The following GP5 variants were observed in gnomAD, a reference collection of about 807,000 sequenced individuals.
The protein encoded by GP5 is glycoprotein V platelet, also known as platelet glycoprotein V.
For synonymous variants in GP5, 382 were observed against 353.9 expected, an observed-to-expected ratio of 1.08 and a Z score of -0.89; for missense variants, 755 against 737.1, an observed-to-expected ratio of 1.02 and a Z score of -0.28.
Position 194,396,861 on chromosome 3 carries a change from G to GCCCGGGCACTCCGCGTCACC in GP5, c.1402_1421dup (p.Pro475ValfsTer43). ...CGGGGCGGGGAGGCGGGCCCCGGGGGCCCGGGCACTCCGCGTCACCCCCCG... is the reference window on the plus strand; with the variant it reads ...CGGGGCGGGGAGGCGGGCCCCGGGGGCCCGGGCACTCCGCGTCACCCCCGGGCACTCCGCGTCACCCCCCG... On this transcript the variant is annotated frameshift_variant, in exon 2 of 2. Transcript: ENST00000692618. LOFTEE classifies it low-confidence loss of function (END_TRUNC). 6.5e-7 allele frequency: 1 copy of GCCCGGGCACTCCGCGTCACC among 1,548,172 alleles called. No homozygotes were observed. Among genetic ancestry groups the GCCCGGGCACTCCGCGTCACC allele is most frequent in the Non-Finnish European group, 8.7e-7 (1 of 1,153,774 alleles).
rs1191393110 is a variant in GP5, at chr3:194,396,857, G to C, written c.1426C>G (p.Arg476Gly). Residue 476 changes from arginine to glycine, a missense_variant, in exon 2 of 2, where the codon CGG becomes GGG. Physicochemically the swap from Arg to Gly is moderately radical, Grantham distance 125. Coordinates refer to ENST00000692618, the MANE Select transcript of GP5 (RefSeq NM_004488.2). ...PGGDAECPGP[R>G]GPPPRPAADS... ...GCAGCGGGGCGGGGAGGCGGGCCCC[G>C]GGGGCCCGGGCACTCCGCGTCACCC... The C allele has an allele frequency of 1.3e-6, 2 of 1,543,938 alleles. No homozygotes were observed. Among genetic ancestry groups the C allele is most frequent in the East Asian group, 2.3e-5 (1 of 42,812 alleles).
intron 1 of GP5, among the ~76,000 whole-genome samples, chr3:194,398,581 C>A (rs1363209804): frequency 6.6e-6 from 1 of 152,180 alleles, no homozygotes; most frequent in Non-Finnish European, 1.5e-5. Context: ...TTAAAATAAT[C>A]ATTCTCACAT....
Position 194,397,013 on chromosome 3 carries a change from G to A in GP5, c.1270C>T (p.Arg424Cys), listed in dbSNP as rs781585201. 2 of 1,596,782 alleles carry A rather than the reference G, an allele frequency of 1.3e-6. No individual in the cohort carries two copies. The highest frequency in any genetic ancestry group is 1.7e-6 in the Non-Finnish European group (2 of 1,178,208). Residue 424 changes from arginine to cysteine, a missense_variant, in exon 2 of 2, where the codon CGC becomes TGC. Transcript: ENST00000692618. The surrounding 1 kb of genome is among the most constrained non-coding windows in gnomAD (Gnocchi z 7.2). ...AAGGGCCCCAGGCCACAGTCGCAGCGCCAGGAGTTGTGCCCCAACAGGACC... is the reference window on the plus strand; with the variant it reads ...AAGGGCCCCAGGCCACAGTCGCAGCACCAGGAGTTGTGCCCCAACAGGACC... ...TEVLLGHNSWRCDCGLGPFLG... is the reference protein window; with the variant it reads ...TEVLLGHNSWCCDCGLGPFLG...
In GP5 at chr3:194,397,413, C is replaced by T. The variant is rs771813293; in HGVS notation, c.870G>A (p.Gly290=). The part of the protein sequence containing the change: ...ELPGVLFGEM[G]GLQELWLNRT... ...GGTTCAGCCACAGCTCCTGCAGGCC[C>T]CCCATCTCCCCGAAGAGCACCCCCG... The change falls in exon 2 of 2, where the codon GGG becomes GGA. Residue 290 remains glycine (G), a synonymous_variant. Coordinates refer to ENST00000692618, the MANE Select transcript of GP5 (RefSeq NM_004488.2). This position sits in a 1 kb window ranked among gnomAD's most constrained non-coding sequence, Gnocchi z 7.2. The T allele has an allele frequency of 1.2e-6, 2 of 1,612,572 alleles. No individual in the cohort carries two copies. The highest frequency in any genetic ancestry group is 1.7e-6 in the Non-Finnish European group (2 of 1,179,742).
chr3:194,396,621 G>A lies in GP5; in HGVS notation c.1662C>T (p.Ile554=), dbSNP rs1446953289. Residue 554 remains isoleucine, a synonymous_variant, in exon 2 of 2, where the codon ATC becomes ATT. Transcript: ENST00000692618. The stretch of plus-strand genomic sequence containing the variant: ...TGGTTTACCCAAGGGCTCTCTCTCT[G>A]ATTAATTTTCGAAAGAGTTGGCCAA... ...IKIGQLFRKL[I]RERALG is the part of the protein sequence containing the mutation. 4 of 1,611,342 alleles carry A rather than the reference G, an allele frequency of 2.5e-6. No homozygotes were observed. Among genetic ancestry groups the A allele is most frequent in the Non-Finnish European group, 2.5e-6 (3 of 1,178,178 alleles).
chr3:194,398,666 A>T (rs1203978917), intron 1 of GP5, among the ~76,000 whole-genome samples: 1 of 152,208 alleles, frequency 6.6e-6, no homozygotes, highest in Non-Finnish European at 1.5e-5. Flanking sequence ...CTTACCCTGC[A>T]TTGGCTATAA....
chr3:194,397,529 T>G lies in GP5; in HGVS notation c.754A>C (p.Asn252His). ...GCAGAGGGGAGAAACGCAAGGTGGT[T>G]TCTCGAAAGCGTCAAAGAACTGAGG... The part of the protein sequence containing the change: ...PNLSSLTLSR[N>H]HLAFLPSALF... Residue 252 changes from asparagine to histidine, a missense_variant, in exon 2 of 2, where the codon AAC becomes CAC. By Grantham distance (68) the Asn-to-His change is moderately conservative (BLOSUM62 1). Coordinates refer to ENST00000692618, the MANE Select transcript of GP5 (RefSeq NM_004488.2). The surrounding 1 kb of genome is among the most constrained non-coding windows in gnomAD (Gnocchi z 7.2). 3 of 1,614,006 alleles carry G rather than the reference T, an allele frequency of 1.9e-6. No individual in the cohort carries two copies. The East Asian group carries it at 6.7e-5, about 36-fold the overall frequency.
Position 194,397,032 on chromosome 3 carries a change from C to T in GP5, c.1251G>A (p.Leu417=), listed in dbSNP as rs748195787. 11 of 1,597,840 alleles carry T rather than the reference C, an allele frequency of 6.9e-6. No individual in the cohort carries two copies. The highest frequency in any genetic ancestry group is 4.5e-5 in the East Asian group (2 of 44,782). ...CGCAGCGCCAGGAGTTGTGCCCCAACAGGACCTCCGTCAGCCGGGGCAGAG... is the reference window on the plus strand; with the variant it reads ...CGCAGCGCCAGGAGTTGTGCCCCAATAGGACCTCCGTCAGCCGGGGCAGAG... ...FGALPRLTEV[L]LGHNSWRCDC... is the part of the protein sequence containing the mutation. Residue 417 remains leucine, a synonymous_variant, in exon 2 of 2, where the codon CTG becomes CTA. Transcript: ENST00000692618. The surrounding 1 kb of genome is among the most constrained non-coding windows in gnomAD (Gnocchi z 7.2).
rs768301550 is a variant in GP5 at position 194,397,320 on chromosome 3, C to G, written c.963G>C (p.Val321=). The G allele has an allele frequency of 6.3e-7, 1 of 1,591,916 alleles. No individual in the cohort carries two copies. The highest frequency in any genetic ancestry group is 2.2e-5 in the East Asian group (1 of 44,656). The change falls in exon 2 of 2, where the codon GTG becomes GTC. Residue 321 remains valine (V), a synonymous_variant. Coordinates refer to ENST00000692618, the MANE Select transcript of GP5 (RefSeq NM_004488.2). The surrounding 1 kb of genome is among the most constrained non-coding windows in gnomAD (Gnocchi z 7.2). ...GCGCGCTCAGCCGCGGGCTCAGAGTCACCCCTAAGTACCGCAGGCGGCTCA... is the reference window on the plus strand; with the variant it reads ...GCGCGCTCAGCCGCGGGCTCAGAGTGACCCCTAAGTACCGCAGGCGGCTCA... ...RNLSRLRYLG[V]TLSPRLSALP...
rs1009887493 is a variant in GP5 at position 194,394,904 on chromosome 3, T to C, written c.*1696A>G. Reference sequence around the variant, plus strand: ...GCAGGGGAAGACAGACTGATGTGAATGTAACCTCCAGTCTGAGAAAGTTCG... The same window carrying C: ...GCAGGGGAAGACAGACTGATGTGAACGTAACCTCCAGTCTGAGAAAGTTCG... On this transcript the variant is annotated 3_prime_UTR_variant, in exon 2 of 2. Transcript: ENST00000692618. The C allele has an allele frequency of 2.6e-5, 4 of 152,246 alleles. No individual in the cohort carries two copies. The highest frequency in any genetic ancestry group is 5.9e-5 in the Non-Finnish European group (4 of 68,036). The allele number at this position is 152,246 out of a possible 1,614,324, so 9.4% of individuals were successfully genotyped here. A position where few individuals can be genotyped will look rare whatever the true frequency, so the allele number is the denominator to read the frequency against.
chr3:194,397,048 C>T lies in GP5; in HGVS notation c.1235G>A (p.Arg412Gln), dbSNP rs959041514. 1.9e-6 allele frequency: 3 copies of T among 1,596,878 alleles called. No individual in the cohort carries two copies. In the African/African-American group the frequency reaches 4.0e-5, roughly 21 times the overall value. The change falls in exon 2 of 2, where the codon CGG (arginine) becomes CAG (glutamine). Residue 412 changes from arginine (R) to glutamine (Q), a missense_variant. Coordinates refer to ENST00000692618, the MANE Select transcript of GP5 (RefSeq NM_004488.2). The surrounding 1 kb of genome is among the most constrained non-coding windows in gnomAD (Gnocchi z 7.2). ...LPGDVFGALPRLTEVLLGHNS... is the reference protein window; with the variant it reads ...LPGDVFGALPQLTEVLLGHNS... The stretch of plus-strand genomic sequence containing the variant: ...GTGCCCCAACAGGACCTCCGTCAGC[C>T]GGGGCAGAGCCCCAAACACGTCGCC...
In GP5 at chr3:194,398,139, C is replaced by A. The variant is rs142512027; in HGVS notation, c.144G>T (p.Leu48=). 226 of 1,613,262 alleles carry A rather than the reference C, an allele frequency of 1.4e-4. 1 individual carries two copies. The African/African-American group carries it at 2.7e-3, about 19-fold the overall frequency. ...GCAGGATGTGCGTGAGGTTGGTGGGCAGGCCTAGCGCGGAGATGCGCGCCA... is the reference window on the plus strand; with the variant it reads ...GCAGGATGTGCGTGAGGTTGGTGGGAAGGCCTAGCGCGGAGATGCGCGCCA... ...GDVARISALG[L]PTNLTHILLF... The change falls in exon 2 of 2, where the codon CTG becomes CTT. Residue 48 remains leucine, a synonymous_variant. Coordinates refer to ENST00000692618, the MANE Select transcript of GP5 (RefSeq NM_004488.2).
Position 194,396,793 on chromosome 3 carries a change from G to C in GP5, c.1490C>G (p.Ala497Gly). Residue 497 changes from alanine (A) to glycine (G), a missense_variant, in exon 2 of 2, where the codon GCT (alanine) becomes GGT (glycine). Physicochemically the swap from Ala to Gly is moderately conservative, Grantham distance 60. Transcript: ENST00000692618. ...CACCCAGGGTTCTGAGCTGTTGGGAGCCAAGGCTGGGTGGACAGGGGCTTC... is the reference window on the plus strand; with the variant it reads ...CACCCAGGGTTCTGAGCTGTTGGGACCCAAGGCTGGGTGGACAGGGGCTTC... ...SSEAPVHPAL[A>G]PNSSEPWVWA... 1.9e-6 allele frequency: 3 copies of C among 1,612,250 alleles called. No homozygotes were observed. The highest frequency in any genetic ancestry group is 2.5e-6 in the Non-Finnish European group (3 of 1,179,028).
chr3:194,397,587 G>A lies in GP5; in HGVS notation c.696C>T (p.Ser232=). ...GCCGGTCGAAGGCCCCGGGTGCGAT[G>A]GAACGGATGTGATTTCGGTGGAACT... is the stretch of plus-strand genomic sequence containing the variant. The part of the protein sequence containing the change: ...ELQFHRNHIR[S]IAPGAFDRLP... Residue 232 remains serine (S), a synonymous_variant, in exon 2 of 2, where the codon TCC becomes TCT. Transcript: ENST00000692618. The surrounding 1 kb of genome is among the most constrained non-coding windows in gnomAD (Gnocchi z 7.2). 6.2e-7 allele frequency: 1 copy of A among 1,614,182 alleles called. No individual in the cohort carries two copies. The highest frequency in any genetic ancestry group is 8.5e-7 in the Non-Finnish European group (1 of 1,180,034).
At position 194,397,284 on chromosome 3, in the gene GP5, GC is replaced by G; in HGVS notation, c.998del (p.Gly333AlafsTer19). ...LSPRLSALPQ[G>X]AFQGLGELQV... ...GGAGCTCGCCAAGGCCCTGGAAGGC[GC>G]CCTGCGGAAGCGCGCTCAGCCGCGG... On this transcript the variant is annotated frameshift_variant, in exon 2 of 2. Transcript: ENST00000692618. LOFTEE classifies it low-confidence loss of function (END_TRUNC). This position sits in a 1 kb window ranked among gnomAD's most constrained non-coding sequence, Gnocchi z 7.2. 6.3e-7 allele frequency: 1 copy of G among 1,580,930 alleles called. No individual in the cohort carries two copies. The highest frequency in any genetic ancestry group is 8.5e-7 in the Non-Finnish European group (1 of 1,171,190).
At position 194,397,648 on chromosome 3, in the gene GP5, C is replaced by A. The variant is rs753596185; in HGVS notation, c.635G>T (p.Gly212Val). 1.2e-6 allele frequency: 2 copies of A among 1,614,092 alleles called. No individual in the cohort carries two copies. Among genetic ancestry groups the A allele is most frequent in the South Asian group, 1.1e-5 (1 of 91,072 alleles). ...CAGGGCGCCCAGGCTGTTCAACAGC[C>A]CCGAATCCAGAGACACAAGGCGGTT... ...HSNRLVSLDS[G>V]LLNSLGALTE... The change falls in exon 2 of 2, where the codon GGG becomes GTG. Residue 212 changes from glycine (G) to valine (V), a missense_variant. Transcript: ENST00000692618. The surrounding 1 kb of genome is among the most constrained non-coding windows in gnomAD (Gnocchi z 7.2).
At position 194,397,940 on chromosome 3, in the gene GP5, C is replaced by T. The variant is rs1451872605; in HGVS notation, c.343G>A (p.Gly115Ser). Residue 115 changes from glycine (G) to serine (S), a missense_variant, in exon 2 of 2, where the codon GGT (glycine) becomes AGT (serine). Coordinates refer to ENST00000692618, the MANE Select transcript of GP5 (RefSeq NM_004488.2). This position sits in a 1 kb window ranked among gnomAD's most constrained non-coding sequence, Gnocchi z 7.2. ...LSRNKITHLPGALLDKMVLLE... is the reference protein window; with the variant it reads ...LSRNKITHLPSALLDKMVLLE... ...AGCACCATCTTATCCAGCAGCGCAC[C>T]TGGAAGATGCGTGATTTTGTTGCGC... 6.2e-7 allele frequency: 1 copy of T among 1,614,210 alleles called. No individual in the cohort carries two copies. The highest frequency in any genetic ancestry group is 2.2e-5 in the East Asian group (1 of 44,890).
At chr3:194,398,308 T>C in intron 1 of GP5, 24 bp from the exon 2 acceptor site, 1 of 1,557,912 alleles carries the variant, frequency 6.4e-7, no homozygotes, top group Non-Finnish European at 8.7e-7. Context: ...CGTGGGAGTG[T>C]GGTCAACACA....
chr3:194,398,224 G>C lies in GP5; in HGVS notation c.59C>G (p.Pro20Arg), dbSNP rs753151808. 6.2e-7 allele frequency: 1 copy of C among 1,611,774 alleles called. No individual in the cohort carries two copies. Among genetic ancestry groups the C allele is most frequent in the Admixed American group, 1.7e-5 (1 of 59,902 alleles). The change falls in exon 2 of 2, where the codon CCC becomes CGC. Residue 20 changes from proline to arginine, a missense_variant. Pro to Arg is a moderately radical substitution (Grantham distance 103). Transcript: ENST00000692618. Reference protein sequence around the residue: ...VLGLLRAQPFPCPPACKCVFR... With the variant: ...VLGLLRAQPFRCPPACKCVFR... Reference sequence around the variant, plus strand: ...GACACACTTGCAAGCTGGCGGACAGGGGAAGGGCTGGGCGCGCAGAAGCCC... The same window carrying C: ...GACACACTTGCAAGCTGGCGGACAGCGGAAGGGCTGGGCGCGCAGAAGCCC...
Sources: gnomAD v4.1 joint callset for allele counts (sites outside exome capture counted in the v4.1 genomes callset) on GRCh38, gnomAD v4.1.1 for gene constraint, Gnocchi (gnomAD v3.1) non-coding constraint, MANE v1.5 for transcripts, NCBI Gene and HGNC (gene_info 2026-07-23, HGNC 2026-07-21) for gene names.